Variants in CDC42EP4 observed in about 807,000 individuals in gnomAD.
CDC42EP4 encodes CDC42 effector protein (Rho GTPase binding) 4.
In CDC42EP4, 6 loss-of-function variants were observed where a neutral mutation model predicts 5.6. The ratio of observed to expected loss-of-function variants is 1.07; its 90% CI spans 0.59 to 2.12. CDC42EP4 has a LOEUF of 2.12. CDC42EP4 is among the 30% of genes most tolerant of loss of function. CDC42EP4 has a pLI of 0.00. For missense variants in CDC42EP4, 490 were observed against 508.6 expected (o/e 0.96, Z 0.35); for synonymous variants, 230 against 224.2 (o/e 1.03, Z -0.23).
Position 73,300,990 on chromosome 17 carries a change from G to A in CDC42EP4, c.-113+10903C>T, listed in dbSNP as rs544008061. On this transcript the variant is annotated intron_variant, in intron 1 of 1. Coordinates refer to ENST00000335793, the MANE Select transcript of CDC42EP4 (RefSeq NM_012121.5). The stretch of plus-strand genomic sequence containing the variant: ...CAACCCGGGAGGCAGAGTTTGCGGT[G>A]AGCAGAGATCACGCCATTGCACTCC... Among the ~76,000 whole-genome samples, 237 of 151,346 alleles carry A rather than the reference G, an allele frequency of 1.6e-3. 2 individuals carry two copies. The highest frequency in any genetic ancestry group is 3.0e-3 in the Non-Finnish European group (201 of 67,946).
intron 1 of CDC42EP4, among the ~76,000 whole-genome samples, chr17:73,291,958 C>T (rs965069637): frequency 6.6e-6 from 1 of 152,202 alleles, no homozygotes; most frequent in African/African-American, 2.4e-5. Context: ...CTGGACCCCT[C>T]GCCTATCCTC....
At position 73,285,777 on chromosome 17, in the gene CDC42EP4, C is replaced by T. The variant is rs1412267800; in HGVS notation, c.724G>A (p.Asp242Asn). ...PEEGEGGYHG[D>N]EGAAGTITQA... is the part of the protein sequence containing the mutation. ...GTGATGGTGCCAGCGGCGCCCTCAT[C>T]GCCATGGTAACCACCCTCCCCCTCC... Residue 242 changes from aspartate (D) to asparagine (N), a missense_variant, in exon 2 of 2, where the codon GAT becomes AAT. Asp to Asn is a conservative substitution (Grantham distance 23). Coordinates refer to ENST00000335793, the MANE Select transcript of CDC42EP4 (RefSeq NM_012121.5). The surrounding 1 kb of genome is among the most constrained non-coding windows in gnomAD (Gnocchi z 6.8). 20 of 1,599,880 alleles carry T rather than the reference C, an allele frequency of 1.3e-5. No homozygotes were observed. Among genetic ancestry groups the T allele is most frequent in the East Asian group, 2.3e-5 (1 of 44,444 alleles).
chr17:73,286,325 T>G lies in CDC42EP4; in HGVS notation c.176A>C (p.Glu59Ala). The G allele has an allele frequency of 6.2e-7, 1 of 1,614,138 alleles. No individual in the cohort carries two copies. The highest frequency in any genetic ancestry group is 1.1e-5 in the South Asian group (1 of 91,086). Reference protein sequence around the residue: ...DTSFLNSKAGEPDGESLDEQP... With the variant: ...DTSFLNSKAGAPDGESLDEQP... ...TTCGTCCAAGGACTCGCCGTCGGGC[T>G]CGCCAGCCTTGCTATTGAGGAAGGA... The change falls in exon 2 of 2, where the codon GAG (glutamate) becomes GCG (alanine). Residue 59 changes from glutamate to alanine, a missense_variant. By Grantham distance (107) the Glu-to-Ala change is moderately radical. Coordinates refer to ENST00000335793, the MANE Select transcript of CDC42EP4 (RefSeq NM_012121.5). This position sits in a 1 kb window ranked among gnomAD's most constrained non-coding sequence, Gnocchi z 7.7.
chr17:73,303,345 A>AAAACAAAC (rs535343133), intron 1 of CDC42EP4, among the ~76,000 whole-genome samples: 5 of 149,518 alleles, frequency 3.3e-5, no homozygotes, highest in Admixed American at 6.7e-5. Context: ...CTCCATCTCA[A>AAAACAAAC]AAACAAACAA....
At position 73,304,657 on chromosome 17, in the gene CDC42EP4, G is replaced by C. The variant is rs114056161; in HGVS notation, c.-113+7236C>G. Among the ~76,000 whole-genome samples, 229 of 148,990 alleles carry C rather than the reference G, an allele frequency of 1.5e-3. 1 individual carries two copies. The highest frequency in any genetic ancestry group is 4.5e-3 in the African/African-American group (176 of 38,896). On this transcript the variant is annotated intron_variant, in intron 1 of 1. Coordinates refer to ENST00000335793, the MANE Select transcript of CDC42EP4 (RefSeq NM_012121.5). Reference sequence around the variant, plus strand: ...CTCCACCATAAGGAACATCGGGGTGGGGGGGGCGGGTGGTGCGAGGGGGAC... The same window carrying C: ...CTCCACCATAAGGAACATCGGGGTGCGGGGGGCGGGTGGTGCGAGGGGGAC...
rs2062117789 is a variant in CDC42EP4, at chr17:73,284,339, A to C, written c.*1091T>G. 1 of 152,112 alleles carries C rather than the reference A, an allele frequency of 6.6e-6. No homozygotes were observed. The highest frequency in any genetic ancestry group is 2.1e-4 in the South Asian group (1 of 4,832). 9.4% of individuals were successfully genotyped at this position (152,112 alleles called of 1,614,324 possible). A position where few individuals can be genotyped will look rare whatever the true frequency, so the allele number is the denominator to read the frequency against. ...AAGAAAAAAAAGGCTTTCCCCCCAT[A>C]GGAATGATATATTATTTAAAAAAAA... On this transcript the variant is annotated 3_prime_UTR_variant, in exon 2 of 2. Coordinates refer to ENST00000335793, the MANE Select transcript of CDC42EP4 (RefSeq NM_012121.5).
rs2062129567 is a variant in CDC42EP4 at position 73,285,817 on chromosome 17, C to T, written c.684G>A (p.Glu228=). The T allele has an allele frequency of 1.2e-6, 2 of 1,610,586 alleles. No individual in the cohort carries two copies. Among genetic ancestry groups the T allele is most frequent in the South Asian group, 2.2e-5 (2 of 91,046 alleles). Residue 228 remains glutamate, a synonymous_variant, in exon 2 of 2, where the codon GAG becomes GAA. Transcript: ENST00000335793. This position sits in a 1 kb window ranked among gnomAD's most constrained non-coding sequence, Gnocchi z 6.8. ...CCTCCCCCTCCTCGGGGTCCCACTCCTCCTTGTCCATGATGCTGAGGACGT... is the reference window on the plus strand; with the variant it reads ...CCTCCCCCTCCTCGGGGTCCCACTCTTCCTTGTCCATGATGCTGAGGACGT... ...LGDVLSIMDK[E]EWDPEEGEGG...
chr17:73,300,748 C>T (rs1459690406), intron 1 of CDC42EP4, among the ~76,000 whole-genome samples: 4 of 152,012 alleles, frequency 2.6e-5, no homozygotes, highest in Non-Finnish European at 4.4e-5. Flanking sequence ...AAAATAAACA[C>T]ACAAAAATAA....
chr17:73,302,146 T>C (rs1385541027), intron 1 of CDC42EP4, among the ~76,000 whole-genome samples: 1 of 152,140 alleles, frequency 6.6e-6, no homozygotes, highest in Non-Finnish European at 1.5e-5. Context: ...CAGGCTACCT[T>C]TTTTTCCCCC....
At chr17:73,304,466 A>G (rs1348633769) in intron 1 of CDC42EP4, among the ~76,000 whole-genome samples, 4 of 151,946 alleles carry the variant, frequency 2.6e-5, no homozygotes, top group Admixed American at 2.0e-4. Context: ...GAAAAACTTT[A>G]TCTCATGTAT....
At chr17:73,292,758 A>G (rs1422129978) in intron 1 of CDC42EP4, among the ~76,000 whole-genome samples, 2 of 152,248 alleles carry the variant, frequency 1.3e-5, no homozygotes, top group East Asian at 3.8e-4. Context: ...TGTGGCATTT[A>G]TGGAATAGAA....
intron 1 of CDC42EP4, among the ~76,000 whole-genome samples, chr17:73,294,753 C>T (rs946836248): frequency 1.3e-5 from 2 of 152,208 alleles, no homozygotes; most frequent in African/African-American, 2.4e-5. Flanking sequence ...ACACCACACA[C>T]ACACACGCAT....
rs569520103 is a variant in CDC42EP4 at position 73,299,408 on chromosome 17, T to C, written c.-113+12485A>G. ...TCATGCCACTGCACTCCAGCCTGGG[T>C]GACAGAGCGAGACTCCGTCCTAAAA... On this transcript the variant is annotated intron_variant, in intron 1 of 1. Coordinates refer to ENST00000335793, the MANE Select transcript of CDC42EP4 (RefSeq NM_012121.5). 3.2e-3 allele frequency among the ~76,000 whole-genome samples: 459 copies of C among 143,404 alleles called. 1 individual carries two copies. Among genetic ancestry groups the C allele is most frequent in the Non-Finnish European group, 4.6e-3 (310 of 66,768 alleles). 94.1% of individuals were successfully genotyped at this position (143,404 alleles called of 152,430 possible). A position where few individuals can be genotyped will look rare whatever the true frequency, so the allele number is the denominator to read the frequency against.
In CDC42EP4 at chr17:73,297,001, A is replaced by AAAAAAAAAAAAAAACAC. The variant is rs547362762; in HGVS notation, c.-112-10390_-112-10389insGTGTTTTTTTTTTTTTT. 2.8e-3 allele frequency among the ~76,000 whole-genome samples: 176 copies of AAAAAAAAAAAAAAACAC among 61,760 alleles called. 57 individuals are homozygous for AAAAAAAAAAAAAAACAC. The highest frequency in any genetic ancestry group is 4.5e-3 in the Non-Finnish European group (136 of 30,022). 40.5% of individuals were successfully genotyped at this position (61,760 alleles called of 152,430 possible). ...GTCTCAAAAAAAAAAAAAAAAAAAAAAAATACACAAGGCCAAGCGCCGTGG... is the reference window on the plus strand; with the variant it reads ...GTCTCAAAAAAAAAAAAAAAAAAAAAAAAAAAAAAAAAAACACAAATACACAAGGCCAAGCGCCGTGG... On this transcript the variant is annotated intron_variant, in intron 1 of 1. Transcript: ENST00000335793.
At chr17:73,295,165 G>T (rs1369265459) in intron 1 of CDC42EP4, among the ~76,000 whole-genome samples, 1 of 152,136 alleles carries the variant, frequency 6.6e-6, no homozygotes, top group East Asian at 1.9e-4. Context: ...CACCCACTGT[G>T]TCACATGACT....
intron 1 of CDC42EP4, among the ~76,000 whole-genome samples, chr17:73,302,770 C>T (rs1225318695): frequency 3.3e-5 from 5 of 152,144 alleles, no homozygotes; most frequent in Admixed American, 2.0e-4. Context: ...TGGCCGGGCG[C>T]GGTGGCTCAA....
chr17:73,311,625 C>T (rs1411582282), intron 1 of CDC42EP4: 1 of 152,444 alleles, frequency 6.6e-6, no homozygotes, highest in African/African-American at 2.4e-5. Context: ...CAACGCTGCG[C>T]CCGGCTCCCT....
At chr17:73,306,380 T>C (rs1052774204) in intron 1 of CDC42EP4, among the ~76,000 whole-genome samples, 1 of 150,522 alleles carries the variant, frequency 6.6e-6, no homozygotes, top group African/African-American at 2.5e-5. Flanking sequence ...CACACGTCTA[T>C]AGTCTCAGCT....
intron 1 of CDC42EP4, among the ~76,000 whole-genome samples, chr17:73,292,699 C>G (rs2062167234): frequency 6.6e-6 from 1 of 152,148 alleles, no homozygotes; most frequent in African/African-American, 2.4e-5. Context: ...CAGAAGCGAC[C>G]CAGGCAGAGG....
Sources: gnomAD v4.1 joint callset for allele counts (sites outside exome capture counted in the v4.1 genomes callset) on GRCh38, gnomAD v4.1.1 for gene constraint, Gnocchi (gnomAD v3.1) non-coding constraint, MANE v1.5 for transcripts, NCBI Gene and HGNC (gene_info 2026-07-23, HGNC 2026-07-21) for gene names.